The following XPO7 variants were observed in gnomAD, a reference collection of about 807,000 sequenced individuals.
XPO7 encodes the protein exportin-7.
XPO7 carries 21 observed loss-of-function variants against 144.3 expected under a neutral mutation model. The ratio of observed to expected loss-of-function variants is 0.15; its 90% CI spans 0.10 to 0.21. The LOEUF (loss-of-function observed/expected upper bound fraction) is 0.21. Ranked by LOEUF, XPO7 falls within the 10% of genes least tolerant of loss-of-function variation. XPO7 has a pLI of 1.00. For synonymous variants in XPO7, 580 were observed against 499.6 expected (o/e 1.16, Z -2.15); for missense variants, 808 against 1,325.8 (o/e 0.61, Z 6.06).
chr8:21,994,158 A>G (rs1441609761), intron 19 of XPO7, among the ~76,000 whole-genome samples: 4 of 152,170 alleles, frequency 2.6e-5, no homozygotes, highest in Non-Finnish European at 5.9e-5. Flanking sequence ...AAAGCTAACA[A>G]ACTTCAAACT....
intron 8 of XPO7, among the ~76,000 whole-genome samples, chr8:21,978,359 A>G (rs1295722123): frequency 6.6e-6 from 1 of 152,228 alleles, no homozygotes; most frequent in African/African-American, 2.4e-5. Flanking sequence ...CTAAAATACT[A>G]TTGGTCTGGT....
rs148049573 is a variant in XPO7, at chr8:21,984,012, A to G, written c.1278-634A>G. Among the ~76,000 whole-genome samples, 172 of 152,350 alleles carry G rather than the reference A, an allele frequency of 1.1e-3. No individual in the cohort carries two copies. The Middle Eastern group carries it at 0.014, about 12-fold the overall frequency. On this transcript the variant is annotated intron_variant, in intron 11 of 27. Transcript: ENST00000252512. ...CAATTCCAAAGTCAAAGATGTGACA[A>G]AAGAAATTTCCTCATCAGTTTGGCA...
rs745490764 is a variant in XPO7 at position 22,004,968 on chromosome 8, C to G, written c.3171-27C>G. On this transcript the variant is annotated intron_variant, in intron 27 of 27. Transcript: ENST00000252512. ...ATACCTTTCCCCCCCACTCTCCTCCCCCAACCCACATGCATCCTCTCTGCA... is the reference window on the plus strand; with the variant it reads ...ATACCTTTCCCCCCCACTCTCCTCCGCCAACCCACATGCATCCTCTCTGCA... 5.3e-6 allele frequency: 8 copies of G among 1,513,792 alleles called. No individual in the cohort carries two copies. In the South Asian group the frequency reaches 8.3e-5, roughly 16 times the overall value. 93.8% of individuals were successfully genotyped at this position (1,513,792 alleles called of 1,614,324 possible). A position where few individuals can be genotyped will look rare whatever the true frequency, so the allele number is the denominator to read the frequency against.
Position 21,994,343 on chromosome 8 carries a change from AT to A in XPO7, c.2149-15del. The A allele has an allele frequency of 6.2e-7, 1 of 1,603,984 alleles. No homozygotes were observed. Among genetic ancestry groups the A allele is most frequent in the Non-Finnish European group, 8.5e-7 (1 of 1,172,840 alleles). On this transcript the variant is annotated intron_variant, in intron 19 of 27. Transcript: ENST00000252512. ...TTTGTCTTTTCTTCTATTTTAACAC[AT>A]TTTTGCCTTCTACTACAGCGAACTC...
At chr8:21,927,638 C>T (rs1211723938) in intron 1 of XPO7, among the ~76,000 whole-genome samples, 1 of 151,448 alleles carries the variant, frequency 6.6e-6, no homozygotes, top group Non-Finnish European at 1.5e-5. Context: ...CTCTGCCTCC[C>T]GGGTTCAAGC....
rs573860240 is a variant in XPO7, at chr8:21,986,135, CTT to C, written c.1577+462_1577+463del. Among the ~76,000 whole-genome samples, 671 of 132,170 alleles carry C rather than the reference CTT, an allele frequency of 5.1e-3. 21 individuals carry two copies. The South Asian group carries it at 0.12, about 23-fold the overall frequency. The allele number at this position is 132,170 out of a possible 152,430, so 86.7% of individuals were successfully genotyped here. Reference sequence around the variant, plus strand: ...CTGTGCAATTCTCATTTTATCAAAACTTTTTTTTTTTTTTTTTTTGGAGATGG... The same window carrying C: ...CTGTGCAATTCTCATTTTATCAAAACTTTTTTTTTTTTTTTTTGGAGATGG... On this transcript the variant is annotated intron_variant, in intron 13 of 27. Transcript: ENST00000252512.
chr8:21,946,424 G>C (rs1255331927), intron 1 of XPO7, among the ~76,000 whole-genome samples: 1 of 151,978 alleles, frequency 6.6e-6, no homozygotes, highest in East Asian at 1.9e-4. Flanking sequence ...ATTAGATAGT[G>C]TAGAAGAGAA....
rs987191375 is a variant in XPO7 at position 21,995,508 on chromosome 8, C to A, written c.2254C>A (p.Pro752Thr). 6.2e-7 allele frequency: 1 copy of A among 1,608,214 alleles called. No homozygotes were observed. Among genetic ancestry groups the A allele is most frequent in the Admixed American group, 1.7e-5 (1 of 59,344 alleles). ...LFEWIYPSYMPILQRAIELWY... is the reference protein window; with the variant it reads ...LFEWIYPSYMTILQRAIELWY... ...CATTTACAGATATCCATCCTATATG[C>A]CAATTCTCCAACGGGCAATTGAGCT... is the stretch of plus-strand genomic sequence containing the variant. Residue 752 changes from proline (P) to threonine (T), a missense_variant, in exon 21 of 28, where the codon CCA becomes ACA. Around this residue, in one of 5 missense-constraint regions of XPO7, gnomAD observed 416 missense variants for 612.5 expected, o/e 0.68. Coordinates refer to ENST00000252512, the MANE Select transcript of XPO7 (RefSeq NM_015024.5).
intron 1 of XPO7, among the ~76,000 whole-genome samples, chr8:21,958,850 A>T (rs779079761): frequency 4.6e-5 from 7 of 151,896 alleles, no homozygotes; most frequent in Non-Finnish European, 1.0e-4. Context: ...AATCCCAGCT[A>T]CTTGGGAGAC....
intron 25 of XPO7, 104 bp downstream of exon 25, chr8:22,002,376 G>T: frequency 7.4e-7 from 1 of 1,349,152 alleles, no homozygotes; most frequent in Non-Finnish European, 1.0e-6. Flanking sequence ...ATCTCATCAG[G>T]TTCCTGCTGC....
In XPO7 at chr8:21,974,596, T is replaced by C. The variant is rs1812167971; in HGVS notation, c.493-74T>C. On this transcript the variant is annotated intron_variant, in intron 5 of 27. Transcript: ENST00000252512. The stretch of plus-strand genomic sequence containing the variant: ...TGCTCTTACTGGAAATCCTTCTAGC[T>C]TATAGGAAGTCTACATGAAAAATTC... 5 of 993,400 alleles carry C rather than the reference T, an allele frequency of 5.0e-6. No individual in the cohort carries two copies. The East Asian group carries it at 1.3e-4, about 26-fold the overall frequency. 61.5% of individuals were successfully genotyped at this position (993,400 alleles called of 1,614,324 possible).
intron 19 of XPO7, 28 bp downstream of exon 19, chr8:21,992,002 A>C: frequency 6.3e-7 from 1 of 1,581,888 alleles, no homozygotes; most frequent in Non-Finnish European, 8.7e-7. Flanking sequence ...CCAGTAATTA[A>C]TCAGCTTCTG....
chr8:21,933,582 C>A (rs1378707300), intron 1 of XPO7, among the ~76,000 whole-genome samples: 1 of 152,096 alleles, frequency 6.6e-6, no homozygotes, highest in Non-Finnish European at 1.5e-5. Context: ...TAAACAGAGA[C>A]AGCATGATTC....
intron 20 of XPO7, among the ~76,000 whole-genome samples, chr8:21,995,175 A>T (rs941768374): frequency 6.6e-6 from 1 of 152,156 alleles, no homozygotes; most frequent in African/African-American, 2.4e-5. Flanking sequence ...TTTAATAGTT[A>T]TGTAAAGGAA....
intron 1 of XPO7, among the ~76,000 whole-genome samples, chr8:21,933,123 T>G (rs200574698): frequency 2.2e-5 from 3 of 135,490 alleles, no homozygotes; most frequent in African/African-American, 8.4e-5. Context: ...TTTTTTGAGA[T>G]GGAGTCTTGC....
chr8:21,987,120 T>A, intron 13 of XPO7, 21 bp from the exon 14 acceptor site: 1 of 1,613,296 alleles, frequency 6.2e-7, no homozygotes, highest in East Asian at 2.2e-5. Context: ...GTTGAGAGAA[T>A]CATTGCTCCT....
In XPO7 at chr8:21,990,860, A is replaced by G. The variant is rs778656735; in HGVS notation, c.1982A>G (p.Asp661Gly). Reference sequence around the variant, plus strand: ...ATTAACAATCAGTCCAACCTGACAGACATGCGGTGTCGGACTACCTTCTAC... The same window carrying G: ...ATTAACAATCAGTCCAACCTGACAGGCATGCGGTGTCGGACTACCTTCTAC... ...LGINNQSNLT[D>G]MRCRTTFYTA... The change falls in exon 18 of 28, where the codon GAC becomes GGC. Residue 661 changes from aspartate to glycine, a missense_variant. Asp to Gly is a moderately conservative substitution (Grantham distance 94, BLOSUM62 -1). Transcript: ENST00000252512. The G allele has an allele frequency of 1.9e-6, 3 of 1,613,986 alleles. No individual in the cohort carries two copies. The South Asian group carries it at 3.3e-5, about 18-fold the overall frequency.
In XPO7 at chr8:21,964,515, G is replaced by A. The variant is rs117367913; in HGVS notation, c.19-2342G>A. ...ATGTCTCATTCCTTTCTCCTTCATC[G>A]GTAGTGTGGGCAACCCAAAGAAAAT... On this transcript the variant is annotated intron_variant, in intron 1 of 27. Transcript: ENST00000252512. Among the ~76,000 whole-genome samples, 743 of 152,136 alleles carry A rather than the reference G, an allele frequency of 4.9e-3. 5 individuals are homozygous for A. Among genetic ancestry groups the A allele is most frequent in the Non-Finnish European group, 7.5e-3 (510 of 67,988 alleles).
chr8:21,994,289 G>T (rs923380574), intron 19 of XPO7, 74 bp from the exon 20 acceptor site: 7 of 1,083,472 alleles, frequency 6.5e-6, no homozygotes, highest in Admixed American at 4.0e-5. Context: ...GATGATACAT[G>T]TGTGGAATCC....
Sources: gnomAD v4.1 joint callset for allele counts (sites outside exome capture counted in the v4.1 genomes callset) on GRCh38, gnomAD v4.1.1 for gene constraint, gnomAD v4.1.1 regional missense constraint, MANE v1.5 for transcripts, NCBI Gene and HGNC (gene_info 2026-07-23, HGNC 2026-07-21) for gene names.